Variants in PDE10A observed in about 807,000 individuals in gnomAD.
PDE10A encodes cAMP and cAMP-inhibited cGMP 3',5'-cyclic phosphodiesterase 10A.
In PDE10A, 39 loss-of-function variants were observed where a neutral mutation model predicts 97.7. The ratio of observed to expected loss-of-function variants is 0.40; its 90% CI spans 0.31 to 0.52. The LOEUF (loss-of-function observed/expected upper bound fraction) is 0.52, where lower values mean the gene tolerates loss of function less well. Among genes scored for constraint, PDE10A ranks in the 20% least tolerant of loss-of-function variants. The pLI is 0.56. For synonymous variants in PDE10A, 371 were observed against 376.8 expected, an observed-to-expected ratio of 0.98 and a Z score of 0.18; for missense variants, 731 against 1,047.8, an observed-to-expected ratio of 0.70 and a Z score of 4.17.
intron 1 of PDE10A, among the ~76,000 whole-genome samples, chr6:165,937,612 C>T (rs1358223810): frequency 6.6e-6 from 1 of 152,108 alleles, no homozygotes; most frequent in Non-Finnish European, 1.5e-5. Flanking sequence ...GTACTTGGCA[C>T]ATAGTAGGAC....
chr6:165,837,756 G>A (rs1780106355), intron 1 of PDE10A, among the ~76,000 whole-genome samples: 1 of 148,422 alleles, frequency 6.7e-6, no homozygotes, highest in Non-Finnish European at 1.5e-5. Flanking sequence ...CACAATCTCG[G>A]CTCACTGCAA....
At chr6:165,923,567 G>A (rs1782822243) in intron 1 of PDE10A, among the ~76,000 whole-genome samples, 1 of 152,208 alleles carries the variant, frequency 6.6e-6, no homozygotes, top group Admixed American at 6.5e-5. Flanking sequence ...CCTGGCTGTG[G>A]TTGGGAGGTG....
chr6:165,796,333 G>A (rs1263533455), intron 1 of PDE10A, among the ~76,000 whole-genome samples: 1 of 152,072 alleles, frequency 6.6e-6, no homozygotes, highest in Non-Finnish European at 1.5e-5. Context: ...TGATCCGCCC[G>A]CCTCAGCCTC....
intron 1 of PDE10A, among the ~76,000 whole-genome samples, chr6:165,700,747 A>G (rs1360042211): frequency 6.6e-6 from 1 of 152,230 alleles, no homozygotes; most frequent in Non-Finnish European, 1.5e-5. Context: ...CATTTATGCA[A>G]TTTACTAGAT....
chr6:165,942,610 C>T, intron 1 of PDE10A, among the ~76,000 whole-genome samples: 1 of 152,182 alleles, frequency 6.6e-6, no homozygotes, highest in Non-Finnish European at 1.5e-5. Flanking sequence ...TGCTCACCTG[C>T]CCTTGCCTTG....
At chr6:165,527,246 T>C (rs2128312347) in intron 2 of PDE10A, among the ~76,000 whole-genome samples, 1 of 152,298 alleles carries the variant, frequency 6.6e-6, no homozygotes, top group East Asian at 1.9e-4. Context: ...ACATTTCTCA[T>C]TTGGTTGTGT....
At chr6:165,469,875 C>A (rs1465451511) in intron 3 of PDE10A, among the ~76,000 whole-genome samples, 1 of 152,146 alleles carries the variant, frequency 6.6e-6, no homozygotes, top group Non-Finnish European at 1.5e-5. Context: ...CCATTCAAAG[C>A]CCACCACTTA....
chr6:165,853,556 G>A (rs1157052672), intron 1 of PDE10A, among the ~76,000 whole-genome samples: 2 of 151,932 alleles, frequency 1.3e-5, no homozygotes, highest in Admixed American at 6.6e-5. Flanking sequence ...GTTCATATAC[G>A]TATCCCAAGA....
At chr6:165,399,283 A>G (rs937312855) in intron 13 of PDE10A, among the ~76,000 whole-genome samples, 2 of 152,202 alleles carry the variant, frequency 1.3e-5, no homozygotes, top group Admixed American at 1.3e-4. Flanking sequence ...CATCAACCCA[A>G]TCAAAATCCC....
At chr6:165,797,860 C>G (rs1778870503) in intron 1 of PDE10A, among the ~76,000 whole-genome samples, 1 of 152,120 alleles carries the variant, frequency 6.6e-6, no homozygotes, top group Non-Finnish European at 1.5e-5. Context: ...ACTAAAAGGA[C>G]CATGGCTAGA....
chr6:165,610,530 CAA>C (rs201763144), intron 1 of PDE10A, among the ~76,000 whole-genome samples: 4 of 55,108 alleles, frequency 7.3e-5, no homozygotes, highest in Admixed American at 1.9e-4. Context: ...GACTCCGTCT[CAA>C]AAAAAAAAAA....
Position 165,661,568 on chromosome 6 carries a change from G to C in PDE10A, c.865+379C>G, listed in dbSNP as rs985744297. 1 of 189,818 alleles carries C rather than the reference G, an allele frequency of 5.3e-6. No homozygotes were observed. The highest frequency in any genetic ancestry group is 2.4e-5 in the African/African-American group (1 of 42,508). 11.8% of individuals were successfully genotyped at this position (189,818 alleles called of 1,614,324 possible). A position where few individuals can be genotyped will look rare whatever the true frequency, so the allele number is the denominator to read the frequency against. ...TCCAGCCAAGTGGCCACAGGCTCAAGAGGGAGGAACCTAAGTGGTCACAAA... is the reference window on the plus strand; with the variant it reads ...TCCAGCCAAGTGGCCACAGGCTCAACAGGGAGGAACCTAAGTGGTCACAAA... On this transcript the variant is annotated intron_variant, in intron 1 of 21. Coordinates refer to ENST00000539869, the MANE Select transcript of PDE10A (RefSeq NM_001385079.1). The surrounding 1 kb of genome is among the most constrained non-coding windows in gnomAD (Gnocchi z 4.8).
At chr6:165,900,554 C>CTCTCTGTCTCTCTCTT (rs777954664) in intron 1 of PDE10A, among the ~76,000 whole-genome samples, 16 of 152,146 alleles carry the variant, frequency 1.1e-4, no homozygotes, top group Admixed American at 5.9e-4. Flanking sequence ...TCTTTTGTCC[C>CTCTCTGTCTCTCTCTT]TCTCTGTCTC....
intron 2 of PDE10A, among the ~76,000 whole-genome samples, chr6:165,522,716 G>A (rs1167912840): frequency 6.6e-6 from 1 of 151,900 alleles, no homozygotes; most frequent in East Asian, 1.9e-4. Context: ...ACTGAAACAA[G>A]ACAAGAATGT....
chr6:165,512,392 T>C (rs1781555940), intron 2 of PDE10A, among the ~76,000 whole-genome samples: 1 of 151,704 alleles, frequency 6.6e-6, no homozygotes, highest in Non-Finnish European at 1.5e-5. Context: ...TAGTAATAAA[T>C]TATTATTTAT....
At chr6:165,552,695 C>T (rs551187070) in intron 1 of PDE10A, among the ~76,000 whole-genome samples, 5 of 152,270 alleles carry the variant, frequency 3.3e-5, no homozygotes, top group East Asian at 3.9e-4. Flanking sequence ...CTTCCCTTTG[C>T]GGATTGTGCT....
chr6:165,923,243 A>T (rs929346046), intron 1 of PDE10A, among the ~76,000 whole-genome samples: 1 of 152,246 alleles, frequency 6.6e-6, no homozygotes, highest in South Asian at 2.1e-4. Context: ...GCTTTTATCA[A>T]TATAGTTACT....
intron 1 of PDE10A, among the ~76,000 whole-genome samples, chr6:165,965,278 G>T (rs575561486): frequency 1.3e-4 from 20 of 152,176 alleles, no homozygotes; most frequent in Admixed American, 7.2e-4. Flanking sequence ...AAAAGTGATG[G>T]CCCCAAGTTT....
At chr6:165,553,662 G>A (rs1005137051) in intron 1 of PDE10A, among the ~76,000 whole-genome samples, 3 of 152,098 alleles carry the variant, frequency 2.0e-5, no homozygotes, top group Non-Finnish European at 4.4e-5. Flanking sequence ...CTGCAGAGAA[G>A]ATATTGTTTC....
Sources: allele counts gnomAD v4.1 joint callset (sites outside exome capture counted in the v4.1 genomes callset), GRCh38; gene constraint gnomAD v4.1.1; non-coding constraint Gnocchi (gnomAD v3.1); transcripts MANE v1.5; gene names NCBI Gene and HGNC (gene_info 2026-07-23, HGNC 2026-07-21).